Variants in FAM53A observed in about 807,000 individuals in gnomAD.
FAM53A encodes family with sequence similarity 53 member A, also known as protein FAM53A.
FAM53A carries 28 observed loss-of-function variants against 26.6 expected under a neutral mutation model. The observed-to-expected ratio is 1.05, with a 90% CI of 0.78 to 1.45. The LOEUF is 1.45. Ranked by LOEUF, FAM53A falls within the 40% of genes most tolerant of loss-of-function variation. The pLI, the probability that FAM53A is intolerant of heterozygous loss-of-function variation, is 0.00. For missense variants in FAM53A, 650 were observed against 575.8 expected, an observed-to-expected ratio of 1.13 and a Z score of -1.32; for synonymous variants, 290 against 253.1, an observed-to-expected ratio of 1.15 and a Z score of -1.38.
the FAM53A span, among the ~76,000 whole-genome samples, chr4:1,602,446 C>T: frequency 6.6e-6 from 1 of 152,216 alleles, no homozygotes; most frequent in African/African-American, 2.4e-5. Flanking sequence ...TGTCTGCCTG[C>T]TTATGTGAAG....
chr4:1,657,662 G>A (rs1455692031), intron 2 of FAM53A, among the ~76,000 whole-genome samples, 194 bp from the exon 3 acceptor site: 1 of 152,088 alleles, frequency 6.6e-6, no homozygotes, highest in African/African-American at 2.4e-5. Flanking sequence ...TTTTTAGATG[G>A]AGTCTCGCAC....
At chr4:1,676,882 C>G (rs1328564258) in intron 1 of FAM53A, among the ~76,000 whole-genome samples, 1 of 152,158 alleles carries the variant, frequency 6.6e-6, no homozygotes, top group African/African-American at 2.4e-5. Flanking sequence ...GTCTGTTCTC[C>G]AAAGTTCATA....
chr4:1,622,545 G>A (rs1215734344), intron 1 of FAM53A, among the ~76,000 whole-genome samples: 1 of 152,224 alleles, frequency 6.6e-6, no homozygotes, highest in East Asian at 1.9e-4. Context: ...CAGTACAGCC[G>A]GCCCTCTGTG....
chr4:1,593,873 A>G, the FAM53A span, among the ~76,000 whole-genome samples: 1 of 152,226 alleles, frequency 6.6e-6, no homozygotes, highest in Non-Finnish European at 1.5e-5. Flanking sequence ...AAGGGAGAAA[A>G]GGAGTGCAAC....
At position 1,672,310 on chromosome 4, in the gene FAM53A, AC is replaced by A. The variant is rs1714732633; in HGVS notation, c.-164-3406del. ...CACCCACAGACCCAGGAACCCATGA[AC>A]CCATGGACCCACAAACCCAGGAACC... On this transcript the variant is annotated intron_variant, in intron 1 of 4. Coordinates refer to ENST00000308132, the MANE Select transcript of FAM53A (RefSeq NM_001174070.3). Among the ~76,000 whole-genome samples the A allele has an allele frequency of 8.7e-5, 7 of 80,428 alleles. 1 individual carries two copies. Among genetic ancestry groups the A allele is most frequent in the Non-Finnish European group, 1.3e-4 (4 of 30,632 alleles). 52.8% of individuals were successfully genotyped at this position (80,428 alleles called of 152,430 possible). A position where few individuals can be genotyped will look rare whatever the true frequency, so the allele number is the denominator to read the frequency against.
the FAM53A span, among the ~76,000 whole-genome samples, chr4:1,594,926 C>T: frequency 1.1e-4 from 16 of 152,206 alleles, no homozygotes; most frequent in Non-Finnish European, 1.9e-4. Flanking sequence ...AAGGAGCTCT[C>T]GGGTGTGGAG....
intron 1 of FAM53A, among the ~76,000 whole-genome samples, chr4:1,678,936 G>A (rs1231680057): frequency 1.3e-5 from 2 of 151,802 alleles, no homozygotes; most frequent in Non-Finnish European, 2.9e-5. Flanking sequence ...TAACACAAGA[G>A]AAAAATATAG....
the FAM53A span, among the ~76,000 whole-genome samples, chr4:1,604,071 C>T: frequency 2.0e-5 from 3 of 152,204 alleles, no homozygotes; most frequent in Non-Finnish European, 4.4e-5. Context: ...GGGCCATCAT[C>T]GCGGGGTGGT....
the FAM53A span, among the ~76,000 whole-genome samples, chr4:1,611,075 C>T: frequency 6.6e-6 from 1 of 152,228 alleles, no homozygotes; most frequent in African/African-American, 2.4e-5. Context: ...AGGGCCCTAG[C>T]TGGGGAATGG....
chr4:1,646,320 C>T (rs996260498), intron 4 of FAM53A, among the ~76,000 whole-genome samples: 2 of 152,176 alleles, frequency 1.3e-5, no homozygotes, highest in East Asian at 1.9e-4. Flanking sequence ...AGGATGGTCT[C>T]GATCTCCTGA....
At chr4:1,614,927 C>T (rs183509757), downstream of FAM53A, among the ~76,000 whole-genome samples, 6 of 152,312 alleles carry the variant, frequency 3.9e-5, no homozygotes, top group African/African-American at 1.4e-4. Context: ...ATTTCAGCAC[C>T]GGGCACAGGG....
chr4:1,681,189 C>T (rs1262948651), intron 1 of FAM53A, among the ~76,000 whole-genome samples: 1 of 152,178 alleles, frequency 6.6e-6, no homozygotes, highest in East Asian at 1.9e-4. Context: ...CTCAGCCTCC[C>T]GAGTTCAAGT....
chr4:1,669,302 C>T (rs958828173), intron 1 of FAM53A, among the ~76,000 whole-genome samples: 1 of 152,256 alleles, frequency 6.6e-6, no homozygotes. Flanking sequence ...CTCCAAGTGG[C>T]CAAACACCCC....
the FAM53A span, among the ~76,000 whole-genome samples, chr4:1,595,521 G>A: frequency 6.6e-6 from 1 of 152,228 alleles, no homozygotes; most frequent in Non-Finnish European, 1.5e-5. Flanking sequence ...CTGGTGGGGT[G>A]GGGCTGGGGT....
chr4:1,645,802 T>G (rs1194447963), intron 4 of FAM53A, among the ~76,000 whole-genome samples: 3 of 152,176 alleles, frequency 2.0e-5, no homozygotes, highest in Non-Finnish European at 4.4e-5. Context: ...AGCTACAAAT[T>G]CCAGATTTTC....
At chr4:1,619,887 A>G (rs1714953390) in intron 1 of FAM53A, among the ~76,000 whole-genome samples, 1 of 152,114 alleles carries the variant, frequency 6.6e-6, no homozygotes, top group Non-Finnish European at 1.5e-5. Flanking sequence ...CTCTCGCCTC[A>G]TGGTCTCCAC....
intron 2 of FAM53A, among the ~76,000 whole-genome samples, chr4:1,660,832 G>T (rs141364851): frequency 6.6e-6 from 1 of 150,984 alleles, no homozygotes. Context: ...AGTGAGCGGA[G>T]ATCACGCCTC....
At chr4:1,648,158 G>T (rs183550268) in intron 4 of FAM53A, among the ~76,000 whole-genome samples, 21 of 152,310 alleles carry the variant, frequency 1.4e-4, no homozygotes, top group Middle Eastern at 3.4e-3. Flanking sequence ...GCAGTGAGCT[G>T]TGATTATACC....
intron 2 of FAM53A, among the ~76,000 whole-genome samples, chr4:1,663,248 T>C (rs1166681255): frequency 6.6e-6 from 1 of 152,192 alleles, no homozygotes; most frequent in Non-Finnish European, 1.5e-5. Context: ...GAACGGAACA[T>C]GGTACAGACA....
Sources: allele counts gnomAD v4.1 joint callset (sites outside exome capture counted in the v4.1 genomes callset), GRCh38; gene constraint gnomAD v4.1.1; transcripts MANE v1.5; gene names NCBI Gene and HGNC (gene_info 2026-07-23, HGNC 2026-07-21).